The following RGS6 variants were observed in gnomAD, a reference collection of about 807,000 sequenced individuals.
The protein encoded by RGS6 is regulator of G-protein signaling 6.
A neutral mutation model predicts 78.5 loss-of-function variants in RGS6; 30 were observed. The ratio of observed to expected loss-of-function variants is 0.38; its 90% CI spans 0.29 to 0.52. RGS6 has a LOEUF of 0.52. Ranked by LOEUF, RGS6 falls within the 20% of genes least tolerant of loss-of-function variation. The pLI is 0.85. For synonymous variants in RGS6, 206 were observed against 206.0 expected (o/e 1.00, Z 0.00); for missense variants, 495 against 609.7 (o/e 0.81, Z 1.98).
intron 2 of RGS6, among the ~76,000 whole-genome samples, chr14:72,056,382 A>G (rs1269638822): frequency 1.3e-5 from 2 of 152,134 alleles, no homozygotes; most frequent in South Asian, 2.1e-4. Context: ...ATCTGCCATG[A>G]CTTTCTCTCC....
chr14:72,562,569 A>G lies in RGS6; in HGVS notation c.*102A>G. ...AGTTTCCTTACGAGGAGACTTGGTC[A>G]CTGTGAAGGAGAAAGAGTGAGGGCA... On this transcript the variant is annotated 3_prime_UTR_variant, in exon 18 of 18. Coordinates refer to ENST00000553525, the MANE Select transcript of RGS6 (RefSeq NM_001204424.2). 1 of 1,564,588 alleles carries G rather than the reference A, an allele frequency of 6.4e-7. No homozygotes were observed. Among genetic ancestry groups the G allele is most frequent in the South Asian group, 1.1e-5 (1 of 87,100 alleles).
chr14:72,460,704 G>C (rs2095755659), intron 6 of RGS6, among the ~76,000 whole-genome samples: 2 of 152,116 alleles, frequency 1.3e-5, no homozygotes, highest in Admixed American at 6.5e-5. Context: ...GGCTCTCCTT[G>C]GGACTGGGAC....
intron 2 of RGS6, among the ~76,000 whole-genome samples, chr14:71,994,641 G>T (rs2095115176): frequency 6.6e-6 from 1 of 151,932 alleles, no homozygotes; most frequent in Admixed American, 6.6e-5. Context: ...ACAAAAGTAG[G>T]GTGGACTCCT....
At chr14:72,470,451 G>A (rs1385200505) in intron 8 of RGS6, among the ~76,000 whole-genome samples, 81 of 152,354 alleles carry the variant, frequency 5.3e-4, no homozygotes, top group African/African-American at 1.9e-3. Context: ...AAACAGGTTG[G>A]AGTTTTAGGA....
chr14:72,159,681 C>T (rs996763164), intron 2 of RGS6, among the ~76,000 whole-genome samples: 6 of 152,164 alleles, frequency 3.9e-5, no homozygotes, highest in South Asian at 2.1e-4. Context: ...CAGTGCTCCA[C>T]ATATGGCCTG....
At chr14:72,571,709 GT>G in the RGS6 span, among the ~76,000 whole-genome samples, 2 of 152,152 alleles carry the variant, frequency 1.3e-5, no homozygotes, top group Non-Finnish European at 2.9e-5. Flanking sequence ...CTATCACACT[GT>G]TAGAAGAAAA....
chr14:72,154,031 G>A (rs1007714570), intron 2 of RGS6, among the ~76,000 whole-genome samples: 1 of 152,132 alleles, frequency 6.6e-6, no homozygotes, highest in Non-Finnish European at 1.5e-5. Context: ...CATTCCCAGA[G>A]CGGCCGTTTA....
intron 3 of RGS6, among the ~76,000 whole-genome samples, chr14:72,366,504 G>A (rs1043802412): frequency 1.4e-4 from 22 of 152,156 alleles, no homozygotes; most frequent in African/African-American, 5.3e-4. Context: ...AGGAAATACG[G>A]AAGAAAGAAG....
chr14:71,942,741 T>C (rs913507408), intron 1 of RGS6, among the ~76,000 whole-genome samples: 2 of 152,206 alleles, frequency 1.3e-5, no homozygotes, highest in Non-Finnish European at 2.9e-5. Flanking sequence ...CTACCTTTTA[T>C]ATAGAAAATA....
At chr14:71,985,804 C>T (rs1027145222) in intron 2 of RGS6, among the ~76,000 whole-genome samples, 1 of 152,178 alleles carries the variant, frequency 6.6e-6, no homozygotes, top group Non-Finnish European at 1.5e-5. Context: ...CGACTTGGAA[C>T]CCTTCCAAGA....
At chr14:72,214,025 A>C (rs2044866925) in intron 2 of RGS6, among the ~76,000 whole-genome samples, 1 of 152,082 alleles carries the variant, frequency 6.6e-6, no homozygotes, top group African/African-American at 2.4e-5. Flanking sequence ...ATATTGGCTG[A>C]CCTGGCACTA....
intron 13 of RGS6, among the ~76,000 whole-genome samples, chr14:72,503,260 A>T (rs28409236): frequency 0.014 from 2,072 of 152,300 alleles, 41 homozygotes; most frequent in African/African-American, 0.047. Flanking sequence ...ATTTCAACAT[A>T]TAAATTTGAA....
the RGS6 span, among the ~76,000 whole-genome samples, chr14:72,601,552 C>T: frequency 1.8e-4 from 27 of 152,236 alleles, no homozygotes; most frequent in East Asian, 1.2e-3. Context: ...TTAACAATAA[C>T]GTATTGTGTA....
At chr14:72,605,336 G>T in the RGS6 span, among the ~76,000 whole-genome samples, 1 of 152,260 alleles carries the variant, frequency 6.6e-6, no homozygotes, top group Admixed American at 6.5e-5. Context: ...CAGCACAGAG[G>T]CTTGGAGATG....
chr14:72,569,334 T>A (rs955743779), downstream of RGS6, among the ~76,000 whole-genome samples: 1 of 152,138 alleles, frequency 6.6e-6, no homozygotes, highest in Non-Finnish European at 1.5e-5. Flanking sequence ...ACCCCTCTGT[T>A]CCTGGAAGCT....
intron 2 of RGS6, among the ~76,000 whole-genome samples, chr14:72,089,000 C>A (rs1429864082): frequency 6.6e-6 from 1 of 152,226 alleles, no homozygotes; most frequent in Admixed American, 6.5e-5. Flanking sequence ...TAGTCCAGCC[C>A]CACCTCGAAG....
At chr14:72,513,264 C>A (rs923106869) in intron 14 of RGS6, among the ~76,000 whole-genome samples, 3 of 152,242 alleles carry the variant, frequency 2.0e-5, no homozygotes, top group Admixed American at 2.0e-4. Flanking sequence ...CTTCAGAATG[C>A]GGAATGGAGG....
intron 2 of RGS6, among the ~76,000 whole-genome samples, chr14:72,178,233 C>G (rs1431327585): frequency 2.6e-5 from 4 of 152,260 alleles, no homozygotes. Context: ...CTCTCATACT[C>G]TTCCAGACAT....
intron 2 of RGS6, among the ~76,000 whole-genome samples, chr14:72,173,076 C>T (rs1406620530): frequency 6.6e-6 from 1 of 152,122 alleles, no homozygotes; most frequent in African/African-American, 2.4e-5. Flanking sequence ...GAGGAAAATA[C>T]CCTCTTAGAT....
Sources: gnomAD v4.1 joint callset for allele counts (sites outside exome capture counted in the v4.1 genomes callset) on GRCh38, gnomAD v4.1.1 for gene constraint, MANE v1.5 for transcripts, NCBI Gene and HGNC (gene_info 2026-07-23, HGNC 2026-07-21) for gene names.